Variants in PRKCH observed in about 807,000 individuals in gnomAD.
The protein encoded by PRKCH is protein kinase C eta, also known as protein kinase C eta type.
PRKCH carries 28 observed loss-of-function variants against 82.5 expected under a neutral mutation model. The observed-to-expected ratio is 0.34, with a 90% CI of 0.25 to 0.47. The LOEUF (loss-of-function observed/expected upper bound fraction) is 0.47. Ranked by LOEUF, PRKCH falls within the 20% of genes least tolerant of loss-of-function variation. PRKCH has a pLI of 1.00. For missense variants in PRKCH, 705 were observed against 881.8 expected, an observed-to-expected ratio of 0.80 and a Z score of 2.54; for synonymous variants, 322 against 327.4, an observed-to-expected ratio of 0.98 and a Z score of 0.18.
intron 1 of PRKCH, among the ~76,000 whole-genome samples, chr14:61,360,440 G>A (rs557989234): frequency 6.6e-6 from 1 of 152,274 alleles, no homozygotes; most frequent in Admixed American, 6.5e-5. Context: ...GGGAGGCGGA[G>A]GTTGCAGGGA....
intron 1 of PRKCH, among the ~76,000 whole-genome samples, chr14:61,277,045 G>A (rs1271059831): frequency 6.6e-6 from 1 of 152,136 alleles, no homozygotes; most frequent in Non-Finnish European, 1.5e-5. Flanking sequence ...AATTAGCTGG[G>A]CGTGGTGGTG....
At chr14:61,206,781 G>A (rs558888985) in intron 1 of PRKCH, among the ~76,000 whole-genome samples, 393 of 151,826 alleles carry the variant, frequency 2.6e-3, no homozygotes, top group African/African-American at 7.9e-3. Context: ...TTTTGCAAAG[G>A]CTTTATTTCT....
chr14:61,189,556 G>T (rs2044394073), intron 1 of PRKCH, among the ~76,000 whole-genome samples: 1 of 151,466 alleles, frequency 6.6e-6, no homozygotes, highest in South Asian at 2.1e-4. Flanking sequence ...GTTTCTTCCT[G>T]AGAGTAGGGG....
chr14:61,250,583 T>C (rs2044936805), intron 1 of PRKCH, among the ~76,000 whole-genome samples: 1 of 151,974 alleles, frequency 6.6e-6, no homozygotes, highest in African/African-American at 2.4e-5. Flanking sequence ...TGCCAAAGGT[T>C]AGGGGGAGGA....
chr14:61,206,609 G>A (rs2044526269), intron 1 of PRKCH, among the ~76,000 whole-genome samples: 1 of 152,146 alleles, frequency 6.6e-6, no homozygotes, highest in Non-Finnish European at 1.5e-5. Context: ...AGACTTCCAT[G>A]TCTTTCCATC....
chr14:61,257,626 CA>C (rs1347084293), intron 1 of PRKCH, among the ~76,000 whole-genome samples: 13 of 49,678 alleles, frequency 2.6e-4, no homozygotes, highest in African/African-American at 7.6e-4. Flanking sequence ...CACACACACA[CA>C]CACCCCCACA....
In PRKCH at chr14:61,373,587, C is replaced by A. The variant is rs963956894; in HGVS notation, c.364-17638C>A. On this transcript the variant is annotated intron_variant, in intron 1 of 13. Coordinates refer to ENST00000332981, the MANE Select transcript of PRKCH (RefSeq NM_006255.5). ...AACCAATTATGCCCTTCCCAACAGT[C>A]CCCCAAAGTCTTCGTTTTTGTTTTT... 4.6e-5 allele frequency among the ~76,000 whole-genome samples: 7 copies of A among 151,870 alleles called. No homozygotes were observed. In the South Asian group the frequency reaches 1.5e-3, roughly 31 times the overall value.
rs76521979 is a variant in PRKCH at position 61,534,017 on chromosome 14, C to T, written c.1761+3422C>T. Among the ~76,000 whole-genome samples, 603 of 152,216 alleles carry T rather than the reference C, an allele frequency of 4.0e-3. 9 individuals carry two copies. The highest frequency in any genetic ancestry group is 0.017 in the Admixed American group (254 of 15,292). ...TAGAGATTGTCCCTTCCAACCCCCT[C>T]GTTTTATAGATGAGGAAACCATGAG... On this transcript the variant is annotated intron_variant, in intron 12 of 13. Transcript: ENST00000332981.
chr14:61,458,094 G>T (rs1884862514), intron 9 of PRKCH, among the ~76,000 whole-genome samples: 1 of 152,224 alleles, frequency 6.6e-6, no homozygotes, highest in Non-Finnish European at 1.5e-5. Context: ...GAGTTTAGAA[G>T]AGGGGTCTGA....
intron 10 of PRKCH, among the ~76,000 whole-genome samples, chr14:61,492,940 A>T (rs888058831): frequency 1.3e-5 from 2 of 152,202 alleles, no homozygotes; most frequent in African/African-American, 4.8e-5. Context: ...GAGGGTGTTT[A>T]GGTAGGGGAG....
At position 61,210,608 on chromosome 14, in the gene PRKCH, A is replaced by C. The variant is rs1327025700; in HGVS notation, c.-19+22940A>C. Among the ~76,000 whole-genome samples, 4 of 152,176 alleles carry C rather than the reference A, an allele frequency of 2.6e-5. No homozygotes were observed. In the East Asian group the frequency reaches 7.7e-4, roughly 29 times the overall value. On this transcript the variant is annotated intron_variant, in intron 1 of 3. Transcript: ENST00000555185. ...GATTTAATAACCAGACAAAATGAAAAACATTGATTTAGACCCAGCCCTCAT... is the reference window on the plus strand; with the variant it reads ...GATTTAATAACCAGACAAAATGAAACACATTGATTTAGACCCAGCCCTCAT...
chr14:61,449,246 T>C lies in PRKCH; in HGVS notation c.696T>C (p.Asp232=). 1 of 1,612,276 alleles carries C rather than the reference T, an allele frequency of 6.2e-7. No individual in the cohort carries two copies. Among genetic ancestry groups the C allele is most frequent in the Non-Finnish European group, 8.5e-7 (1 of 1,178,370 alleles). Residue 232 remains aspartate (D), a synonymous_variant, in exon 5 of 14, where the codon GAT becomes GAC. Coordinates refer to ENST00000332981, the MANE Select transcript of PRKCH (RefSeq NM_006255.5). ...GCCAAAACAATATTAACAAAGTGGA[T>C]TCAAAGGTAAGAGGATAGCAGTTTG... ...CTCQNNINKV[D]SKIAEQRFGI...
intron 1 of PRKCH, among the ~76,000 whole-genome samples, chr14:61,369,292 C>A (rs1463047789): frequency 2.0e-5 from 3 of 152,016 alleles, no homozygotes; most frequent in East Asian, 1.9e-4. Flanking sequence ...TAACAAGTTC[C>A]CAGGGGATAC....
At chr14:61,385,919 G>C (rs1424941049) in intron 1 of PRKCH, among the ~76,000 whole-genome samples, 1 of 152,180 alleles carries the variant, frequency 6.6e-6, no homozygotes, top group Admixed American at 6.5e-5. Flanking sequence ...GTCTGGAAAG[G>C]TCCCCCTATA....
chr14:61,202,325 C>T (rs2044488065), intron 1 of PRKCH, among the ~76,000 whole-genome samples: 2 of 152,234 alleles, frequency 1.3e-5, no homozygotes, highest in Admixed American at 6.5e-5. Context: ...GTTCCACTTC[C>T]TCTTCCGGTC....
At chr14:61,436,069 AT>A (rs1883664566) in intron 2 of PRKCH, among the ~76,000 whole-genome samples, 1 of 152,120 alleles carries the variant, frequency 6.6e-6, no homozygotes, top group Admixed American at 6.6e-5. Context: ...TCCCATCCTG[AT>A]GTGGCAAGAG....
At chr14:61,255,417 G>A (rs1456921434) in intron 1 of PRKCH, among the ~76,000 whole-genome samples, 3 of 152,098 alleles carry the variant, frequency 2.0e-5, no homozygotes, top group Non-Finnish European at 4.4e-5. Flanking sequence ...TGTATCATCC[G>A]CTTCAATCTA....
chr14:61,274,810 T>C (rs986538395), intron 1 of PRKCH, among the ~76,000 whole-genome samples: 1 of 152,140 alleles, frequency 6.6e-6, no homozygotes, highest in African/African-American at 2.4e-5. Flanking sequence ...AATGTGAGTT[T>C]GGAGAGAAGT....
At chr14:61,259,158 A>G (rs1056785692) in intron 1 of PRKCH, among the ~76,000 whole-genome samples, 4 of 152,194 alleles carry the variant, frequency 2.6e-5, no homozygotes, top group Non-Finnish European at 5.9e-5. Context: ...TTATCCTGTC[A>G]GAGTGTTCCT....
Sources: gnomAD v4.1 joint callset for allele counts (sites outside exome capture counted in the v4.1 genomes callset) on GRCh38, gnomAD v4.1.1 for gene constraint, MANE v1.5 for transcripts, NCBI Gene and HGNC (gene_info 2026-07-23, HGNC 2026-07-21) for gene names.